The following CRAMP1 variants were observed in gnomAD, a reference collection of about 807,000 sequenced individuals.
The protein encoded by CRAMP1 is cramped chromatin regulator 1.
CRAMP1 carries 50 observed loss-of-function variants against 115.4 expected under a neutral mutation model. The ratio of observed to expected loss-of-function variants is 0.43; its 90% CI spans 0.35 to 0.55. CRAMP1 has a LOEUF of 0.55. Ranked by LOEUF, CRAMP1 falls within the 20% of genes least tolerant of loss-of-function variation. The pLI, the probability that CRAMP1 is intolerant of heterozygous loss-of-function variation, is 0.01. For missense variants in CRAMP1, 1,679 were observed against 1,721.7 expected (o/e 0.98, Z 0.44); for synonymous variants, 866 against 745.4 (o/e 1.16, Z -2.64).
chr16:1,630,523 A>G (rs1156996919), intron 3 of CRAMP1, among the ~76,000 whole-genome samples: 3 of 152,082 alleles, frequency 2.0e-5, no homozygotes, highest in Admixed American at 2.0e-4. Context: ...GGTCCCCTCC[A>G]CCCTGCCTCC....
intron 2 of CRAMP1, among the ~76,000 whole-genome samples, chr16:1,623,003 C>A (rs1310357800): frequency 6.6e-6 from 1 of 152,046 alleles, no homozygotes; most frequent in African/African-American, 2.4e-5. Flanking sequence ...TCAAGAGATC[C>A]GCCTGCCTCG....
Position 1,655,987 on chromosome 16 carries a change from G to A in CRAMP1, c.1230G>A (p.Pro410=), listed in dbSNP as rs61739640. 100 of 1,613,052 alleles carry A rather than the reference G, an allele frequency of 6.2e-5. No homozygotes were observed. The African/African-American group carries it at 9.7e-4, about 16-fold the overall frequency. ...AGAACTGTACACTGACACCGCTGCC[G>A]GGCGTGGCTCGCGTGGTGCACTCCA... is the stretch of plus-strand genomic sequence containing the variant. ...PGENCTLTPL[P]GVARVVHSKA... is the part of the protein sequence containing the mutation. The change falls in exon 10 of 21, where the codon CCG becomes CCA. Residue 410 remains proline, a synonymous_variant. Transcript: ENST00000397412.
chr16:1,614,944 T>C lies in CRAMP1; in HGVS notation c.305T>C (p.Val102Ala), dbSNP rs959779059. 3.1e-5 allele frequency: 39 copies of C among 1,269,738 alleles called. No individual in the cohort carries two copies. In the Admixed American group the frequency reaches 1.3e-3, roughly 42 times the overall value. 78.7% of individuals were successfully genotyped at this position (1,269,738 alleles called of 1,614,324 possible). A position where few individuals can be genotyped will look rare whatever the true frequency, so the allele number is the denominator to read the frequency against. The change falls in exon 2 of 21, where the codon GTG (valine) becomes GCG (alanine). Residue 102 changes from valine (V) to alanine (A), a missense_variant. This residue lies in a region of CRAMP1 where 264 missense variants were observed against 229.7 expected (regional missense o/e 1.15). Transcript: ENST00000397412. This position sits in a 1 kb window ranked among gnomAD's most constrained non-coding sequence, Gnocchi z 4.4. ...KRPRKDPPSAVGSGNAGGSGP... is the reference protein window; with the variant it reads ...KRPRKDPPSAAGSGNAGGSGP... ...CCCAGGAAGGATCCTCCGAGCGCTG[T>C]GGGGAGCGGCAACGCCGGTGGCTCG...
chr16:1,658,278 C>CG (rs919287766), intron 10 of CRAMP1, among the ~76,000 whole-genome samples: 5 of 151,962 alleles, frequency 3.3e-5, no homozygotes, highest in Non-Finnish European at 7.4e-5. Context: ...GAAAGTGGCT[C>CG]GGGGGTCGCA....
At chr16:1,619,708 C>T (rs781031149) in intron 2 of CRAMP1, among the ~76,000 whole-genome samples, 31 of 152,304 alleles carry the variant, frequency 2.0e-4, no homozygotes, top group Non-Finnish European at 3.5e-4. Flanking sequence ...TCAAGAGAGA[C>T]AGCGCTGGTC....
Position 1,655,996 on chromosome 16 carries a change from T to G in CRAMP1, c.1239T>G (p.Ala413=), listed in dbSNP as rs1412706057. 6.2e-7 allele frequency: 1 copy of G among 1,612,808 alleles called. No individual in the cohort carries two copies. Among genetic ancestry groups the G allele is most frequent in the Non-Finnish European group, 8.5e-7 (1 of 1,179,870 alleles). The stretch of plus-strand genomic sequence containing the variant: ...CACTGACACCGCTGCCGGGCGTGGC[T>G]CGCGTGGTGCACTCCAAGGCCTTCT... ...NCTLTPLPGV[A]RVVHSKAFCT... Residue 413 remains alanine, a synonymous_variant, in exon 10 of 21, where the codon GCT becomes GCG. Transcript: ENST00000397412.
At chr16:1,631,808 A>C (rs1175630129) in intron 3 of CRAMP1, among the ~76,000 whole-genome samples, 1 of 152,220 alleles carries the variant, frequency 6.6e-6, no homozygotes, top group Non-Finnish European at 1.5e-5. Flanking sequence ...TAAAGCAGTG[A>C]GGATGTTTCT....
rs377106053 is a variant in CRAMP1 at position 1,653,097 on chromosome 16, G to A, written c.978G>A (p.Gln326=). 5 of 1,612,638 alleles carry A rather than the reference G, an allele frequency of 3.1e-6. No homozygotes were observed. The African/African-American group carries it at 4.0e-5, about 13-fold the overall frequency. The change falls in exon 8 of 21, where the codon CAG becomes CAA. Residue 326 remains glutamine (Q), a synonymous_variant. Coordinates refer to ENST00000397412, the MANE Select transcript of CRAMP1 (RefSeq NM_020825.4). The part of the protein sequence containing the change: ...RLPLKVPIEL[Q]PRNNHAWARV... ...CTCTGAAAGTCCCTATAGAGCTACA[G>A]CCGCGGAACAACCACGCCTGGGCCC...
intron 4 of CRAMP1, among the ~76,000 whole-genome samples, chr16:1,635,192 C>T (rs920839809): frequency 6.6e-6 from 1 of 152,178 alleles, no homozygotes; most frequent in Non-Finnish European, 1.5e-5. Flanking sequence ...GCCACCACGC[C>T]TGGCCTGTGC....
chr16:1,642,275 T>G (rs1224557464), intron 6 of CRAMP1, among the ~76,000 whole-genome samples: 1 of 152,206 alleles, frequency 6.6e-6, no homozygotes, highest in African/African-American at 2.4e-5. Context: ...TCTGATGACC[T>G]GGGAACCCTC....
In CRAMP1 at chr16:1,662,764, C is replaced by T. The variant is rs1418203059; in HGVS notation, c.2599C>T (p.Gln867Ter). The part of the protein sequence containing the change: ...FRQHLNSISM[Q>*]SDFFLPKPRK... Reference sequence around the variant, plus strand: ...GCCGGACGCTGCTCCCTTACAGATGCAGTCGGATTTCTTCCTGCCAAAGCC... The same window carrying T: ...GCCGGACGCTGCTCCCTTACAGATGTAGTCGGATTTCTTCCTGCCAAAGCC... The change falls in exon 13 of 21, where the codon CAG (glutamine) becomes TAG (stop). Residue 867 changes from glutamine to a stop codon, truncating the protein, a stop_gained. Coordinates refer to ENST00000397412, the MANE Select transcript of CRAMP1 (RefSeq NM_020825.4). LOFTEE classifies it high-confidence loss of function. 2 of 1,613,868 alleles carry T rather than the reference C, an allele frequency of 1.2e-6. No individual in the cohort carries two copies. Among genetic ancestry groups the T allele is most frequent in the Non-Finnish European group, 1.7e-6 (2 of 1,179,878 alleles).
rs1470524868 is a variant in CRAMP1, at chr16:1,656,478, C to G, written c.1721C>G (p.Pro574Arg). ...YLKSCQDLIV[P>R]EQCRCADTRP... is the part of the protein sequence containing the mutation. ...AAGTCCTGTCAGGACCTCATTGTCC[C>G]CGAGCAGTGCCGCTGTGCGGACACA... The change falls in exon 10 of 21, where the codon CCC (proline) becomes CGC (arginine). Residue 574 changes from proline (P) to arginine (R), a missense_variant. Coordinates refer to ENST00000397412, the MANE Select transcript of CRAMP1 (RefSeq NM_020825.4). This position sits in a 1 kb window ranked among gnomAD's most constrained non-coding sequence, Gnocchi z 5.6. 5 of 1,578,226 alleles carry G rather than the reference C, an allele frequency of 3.2e-6. No individual in the cohort carries two copies. Among genetic ancestry groups the G allele is most frequent in the Non-Finnish European group, 4.3e-6 (5 of 1,162,760 alleles).
rs1222027871 is a variant in CRAMP1 at position 1,656,929 on chromosome 16, C to T, written c.2172C>T (p.Leu724=). The T allele has an allele frequency of 1.3e-6, 2 of 1,558,694 alleles. No homozygotes were observed. ...GCCCCGGCTCCCTACCCACCGCCCTCCACAAGCAGCGCCTCCTCAGCTGCC... is the reference window on the plus strand; with the variant it reads ...GCCCCGGCTCCCTACCCACCGCCCTTCACAAGCAGCGCCTCCTCAGCTGCC... The part of the protein sequence containing the change: ...DPRPGSLPTA[L]HKQRLLSCLL... Residue 724 remains leucine, a synonymous_variant, in exon 10 of 21, where the codon CTC becomes CTT. Coordinates refer to ENST00000397412, the MANE Select transcript of CRAMP1 (RefSeq NM_020825.4). The surrounding 1 kb of genome is among the most constrained non-coding windows in gnomAD (Gnocchi z 5.6).
intron 4 of CRAMP1, among the ~76,000 whole-genome samples, chr16:1,634,677 C>T (rs1321614340): frequency 1.3e-5 from 2 of 152,152 alleles, no homozygotes; most frequent in Non-Finnish European, 2.9e-5. Context: ...CGTGTTCTCC[C>T]GGGTTCTCTG....
At chr16:1,628,283 C>T (rs567997694) in intron 3 of CRAMP1, among the ~76,000 whole-genome samples, 10 of 152,300 alleles carry the variant, frequency 6.6e-5, no homozygotes, top group South Asian at 6.2e-4. Context: ...AACGGAGTTT[C>T]GCTCTTGTTG....
At chr16:1,657,712 C>G (rs1412720520) in intron 10 of CRAMP1, among the ~76,000 whole-genome samples, 1 of 152,112 alleles carries the variant, frequency 6.6e-6, no homozygotes, top group Non-Finnish European at 1.5e-5. Flanking sequence ...TTGGTGGAGC[C>G]GACAGATGGG....
chr16:1,668,133 G>A lies in CRAMP1; in HGVS notation c.3274G>A (p.Glu1092Lys), dbSNP rs141603777. ...ACCTGAGGATGCGCTGTCACAGGGC[G>A]AGCCTGCCACACACATTAGCGACTC... ...GPPEDALSQGEPATHISDSII... is the reference protein window; with the variant it reads ...GPPEDALSQGKPATHISDSII... Residue 1092 changes from glutamate (E) to lysine (K), a missense_variant, in exon 18 of 21, where the codon GAG becomes AAG. Transcript: ENST00000397412. The A allele has an allele frequency of 2.4e-5, 39 of 1,613,564 alleles. No individual in the cohort carries two copies. In the African/African-American group the frequency reaches 2.9e-4, roughly 12 times the overall value.
chr16:1,666,140 C>G lies in CRAMP1; in HGVS notation c.2820C>G (p.Pro940=). The G allele has an allele frequency of 1.2e-6, 2 of 1,610,664 alleles. No homozygotes were observed. Among genetic ancestry groups the G allele is most frequent in the Non-Finnish European group, 1.7e-6 (2 of 1,178,572 alleles). Residue 940 remains proline, a synonymous_variant, in exon 15 of 21, where the codon CCC becomes CCG. Transcript: ENST00000397412. The surrounding 1 kb of genome is among the most constrained non-coding windows in gnomAD (Gnocchi z 5.0). ...CAGCTCTGTCTCGGCCGATCGTGCC[C>G]AAGGTCCTTCCACCCCAGGCCACGA... ...TKAALSRPIV[P]KVLPPQATSH...
intron 6 of CRAMP1, among the ~76,000 whole-genome samples, chr16:1,650,192 G>A (rs1488488004): frequency 6.6e-6 from 1 of 152,182 alleles, no homozygotes; most frequent in East Asian, 1.9e-4. Context: ...ATTAGAGCTA[G>A]GACCCTTTTA....
Sources: gnomAD v4.1 joint callset for allele counts (sites outside exome capture counted in the v4.1 genomes callset) on GRCh38, gnomAD v4.1.1 for gene constraint, gnomAD v4.1.1 regional missense constraint, Gnocchi (gnomAD v3.1) non-coding constraint, MANE v1.5 for transcripts, NCBI Gene and HGNC (gene_info 2026-07-23, HGNC 2026-07-21) for gene names.